The following NIT2 variants were observed in gnomAD, a reference collection of about 807,000 sequenced individuals.
NIT2 encodes nitrilase family member 2.
Under a neutral mutation model 42.7 loss-of-function variants are expected in NIT2, and 46 were observed. The observed-to-expected ratio is 1.08, with a 90% CI of 0.85 to 1.38. The LOEUF (loss-of-function observed/expected upper bound fraction) is 1.38, where lower values mean the gene tolerates loss of function less well. NIT2 is among the 40% of genes most tolerant of loss of function. The pLI, the probability that NIT2 is intolerant of heterozygous loss-of-function variation, is 0.00. For missense variants in NIT2, 309 were observed against 342.5 expected, an observed-to-expected ratio of 0.90 and a Z score of 0.77; for synonymous variants, 123 against 121.9, an observed-to-expected ratio of 1.01 and a Z score of -0.06.
chr3:100,338,961 G>A, intron 1 of NIT2, 126 bp from the exon 2 acceptor site: 1 of 724,822 alleles, frequency 1.4e-6, no homozygotes, highest in Non-Finnish European at 2.5e-6. Context: ...TGGCATCAAA[G>A]GTATCTTCAG....
At chr3:100,340,452 T>C (rs1330895151) in intron 3 of NIT2, among the ~76,000 whole-genome samples, 1 of 152,092 alleles carries the variant, frequency 6.6e-6, no homozygotes, top group East Asian at 1.9e-4. Flanking sequence ...ATTTTTGTGG[T>C]TTTGGAATAA....
At chr3:100,348,292 CG>C (rs1318856520) in intron 6 of NIT2, among the ~76,000 whole-genome samples, 1 of 152,132 alleles carries the variant, frequency 6.6e-6, no homozygotes, top group Non-Finnish European at 1.5e-5. Context: ...TCACCAAATA[CG>C]GGTGTTCCAG....
intron 8 of NIT2, among the ~76,000 whole-genome samples, chr3:100,353,115 C>A (rs1706290792): frequency 6.6e-6 from 1 of 152,214 alleles, no homozygotes; most frequent in Non-Finnish European, 1.5e-5. Context: ...CTTGAACTCT[C>A]AGGAAATTGT....
chr3:100,336,860 C>CA (rs1409974991), intron 1 of NIT2, among the ~76,000 whole-genome samples: 1 of 152,228 alleles, frequency 6.6e-6, no homozygotes, highest in African/African-American at 2.4e-5. Context: ...TAATCCTCCT[C>CA]AGCACAGACC....
rs935118142 is a variant in NIT2, at chr3:100,356,674, A to G, written c.*1406A>G. 2 of 152,232 alleles carry G rather than the reference A, an allele frequency of 1.3e-5. No homozygotes were observed. The highest frequency in any genetic ancestry group is 4.8e-5 in the African/African-American group (2 of 41,456). 9.4% of individuals were successfully genotyped at this position (152,232 alleles called of 1,614,324 possible). On this transcript the variant is annotated 3_prime_UTR_variant, in exon 10 of 10. Transcript: ENST00000394140. Reference sequence around the variant, plus strand: ...TTGATGCATAATTTTACTTTAAAAAAATAAGTGTGCAATTTGGTAAACTTT... The same window carrying G: ...TTGATGCATAATTTTACTTTAAAAAGATAAGTGTGCAATTTGGTAAACTTT...
Position 100,355,324 on chromosome 3 carries a change from A to C in NIT2, c.*56A>C. On this transcript the variant is annotated 3_prime_UTR_variant, in exon 10 of 10. Coordinates refer to ENST00000394140, the MANE Select transcript of NIT2 (RefSeq NM_020202.5). ...GACGATATGATTCTACAACATAATC[A>C]ACTCCCTATTAAATTCTTTAATGAA... 7.7e-7 allele frequency: 1 copy of C among 1,304,866 alleles called. No individual in the cohort carries two copies. The highest frequency in any genetic ancestry group is 1.3e-5 in the South Asian group (1 of 78,386). The allele number at this position is 1,304,866 out of a possible 1,614,324, so 80.8% of individuals were successfully genotyped here. A position where few individuals can be genotyped will look rare whatever the true frequency, so the allele number is the denominator to read the frequency against.
intron 9 of NIT2, 23 bp from the exon 10 acceptor site, chr3:100,355,154 G>T (rs1706314150): frequency 3.2e-6 from 5 of 1,582,060 alleles, no homozygotes; most frequent in Non-Finnish European, 4.3e-6. Context: ...ATTATTAATA[G>T]TGCACTTTCC....
chr3:100,335,253 T>A (rs1706055144), intron 1 of NIT2: 9 of 206,322 alleles, frequency 4.4e-5, no homozygotes, highest in South Asian at 4.4e-4. Context: ...CTGTGTCACT[T>A]ACTTTGTTCA....
chr3:100,353,233 C>G (rs545826627), intron 8 of NIT2, among the ~76,000 whole-genome samples: 1 of 152,214 alleles, frequency 6.6e-6, no homozygotes, highest in African/African-American at 2.4e-5. Flanking sequence ...GCCTTCAGAA[C>G]TTGGATGTAT....
rs535606293 is a variant in NIT2, at chr3:100,357,411, G to T, written c.*2143G>T. 6.6e-5 allele frequency: 10 copies of T among 152,150 alleles called. No homozygotes were observed. The highest frequency in any genetic ancestry group is 1.3e-4 in the Non-Finnish European group (9 of 67,992). The allele number at this position is 152,150 out of a possible 1,614,324, so 9.4% of individuals were successfully genotyped here. Reference sequence around the variant, plus strand: ...AAAGCCCACATCTGTATAAAAAAATGAAAGAATGATCTGGTTGATGTGGAT... The same window carrying T: ...AAAGCCCACATCTGTATAAAAAAATTAAAGAATGATCTGGTTGATGTGGAT... On this transcript the variant is annotated 3_prime_UTR_variant, in exon 10 of 10. Coordinates refer to ENST00000394140, the MANE Select transcript of NIT2 (RefSeq NM_020202.5).
At chr3:100,340,667 A>G (rs1706139215) in intron 3 of NIT2, among the ~76,000 whole-genome samples, 1 of 139,988 alleles carries the variant, frequency 7.1e-6, no homozygotes, top group South Asian at 2.5e-4. Flanking sequence ...TTGTTGCAGA[A>G]CCTGGTGAAT....
In NIT2 at chr3:100,355,498, C is replaced by T; in HGVS notation, c.*230C>T. On this transcript the variant is annotated 3_prime_UTR_variant, in exon 10 of 10. Transcript: ENST00000394140. ...GCAGAAAGCTGGGCTGGTTCTGAAG[C>T]TTCTTCCATACTTAAGTTGCCTCCA... 2.3e-6 allele frequency: 1 copy of T among 432,232 alleles called. No individual in the cohort carries two copies. The highest frequency in any genetic ancestry group is 3.8e-5 in the East Asian group (1 of 26,662). 26.8% of individuals were successfully genotyped at this position (432,232 alleles called of 1,614,324 possible). A position where few individuals can be genotyped will look rare whatever the true frequency, so the allele number is the denominator to read the frequency against.
rs904490333 is a variant in NIT2 at position 100,359,901 on chromosome 3, A to C, written c.*4633A>C. ...TTTCCCCACATTCTGGAAGCTCCTT[A>C]CCTAAATCCTGTTTATTCCTTAATG... On this transcript the variant is annotated 3_prime_UTR_variant, in exon 10 of 10. Coordinates refer to ENST00000394140, the MANE Select transcript of NIT2 (RefSeq NM_020202.5). 1 of 152,128 alleles carries C rather than the reference A, an allele frequency of 6.6e-6. No individual in the cohort carries two copies. Among genetic ancestry groups the C allele is most frequent in the Non-Finnish European group, 1.5e-5 (1 of 68,014 alleles). 9.4% of individuals were successfully genotyped at this position (152,128 alleles called of 1,614,324 possible).
Position 100,348,143 on chromosome 3 carries a change from C to T in NIT2, c.506-660C>T, listed in dbSNP as rs192926344. On this transcript the variant is annotated intron_variant, in intron 6 of 9. Coordinates refer to ENST00000394140, the MANE Select transcript of NIT2 (RefSeq NM_020202.5). ...CTGACCTCAGGTGATCTGCCCACCT[C>T]GGCCTCCCAAAGTGCTGGGATTACA... Among the ~76,000 whole-genome samples, 478 of 152,330 alleles carry T rather than the reference C, an allele frequency of 3.1e-3. 3 individuals carry two copies. The highest frequency in any genetic ancestry group is 0.011 in the African/African-American group (454 of 41,586).
chr3:100,344,071 A>C (rs1706184886), intron 4 of NIT2, among the ~76,000 whole-genome samples: 1 of 152,168 alleles, frequency 6.6e-6, no homozygotes, highest in Non-Finnish European at 1.5e-5. Flanking sequence ...TCAGCCAGAG[A>C]TTTAGAAAGA....
rs2148880864 is a variant in NIT2 at position 100,339,155 on chromosome 3, A to G, written c.76A>G (p.Ser26Gly). 6.2e-7 allele frequency: 1 copy of G among 1,614,018 alleles called. No homozygotes were observed. The highest frequency in any genetic ancestry group is 8.5e-7 in the Non-Finnish European group (1 of 1,179,966). ...IKSDNVTRACSFIREAATQGA... is the reference protein window; with the variant it reads ...IKSDNVTRACGFIREAATQGA... ...ATCAGATAACGTCACTCGCGCTTGT[A>G]GCTTCATCCGGGAGGCAGCAACGCA... The change falls in exon 2 of 10, where the codon AGC (serine) becomes GGC (glycine). Residue 26 changes from serine to glycine, a missense_variant. By Grantham distance (56) the Ser-to-Gly change is moderately conservative. Coordinates refer to ENST00000394140, the MANE Select transcript of NIT2 (RefSeq NM_020202.5).
chr3:100,339,110 C>T lies in NIT2; in HGVS notation c.31C>T (p.Leu11Phe), dbSNP rs1706112910. Reference sequence around the variant, plus strand: ...AGCTTTCCGCTTGGCCCTCATCCAGCTTCAGATTTCTTCCATCAAATCAGA... The same window carrying T: ...AGCTTTCCGCTTGGCCCTCATCCAGTTTCAGATTTCTTCCATCAAATCAGA... MTSFRLALIQ[L>F]QISSIKSDNV... The change falls in exon 2 of 10, where the codon CTT (leucine) becomes TTT (phenylalanine). Residue 11 changes from leucine to phenylalanine, a missense_variant. Coordinates refer to ENST00000394140, the MANE Select transcript of NIT2 (RefSeq NM_020202.5). 2 of 1,613,862 alleles carry T rather than the reference C, an allele frequency of 1.2e-6. No individual in the cohort carries two copies. The highest frequency in any genetic ancestry group is 2.2e-5 in the South Asian group (2 of 91,082).
chr3:100,334,973 C>T (rs1244582720), intron 1 of NIT2, 175 bp downstream of exon 1: 2 of 616,956 alleles, frequency 3.2e-6, no homozygotes, highest in Non-Finnish European at 2.5e-6. Context: ...GGCGGCCGGG[C>T]GCACTCCCGG....
chr3:100,348,969 T>G (rs953642443), intron 7 of NIT2, 88 bp downstream of exon 7: 3 of 1,076,114 alleles, frequency 2.8e-6, no homozygotes, highest in Non-Finnish European at 4.2e-6. Flanking sequence ...GCCTTCCTGA[T>G]GTGGATTCTG....
Sources: allele counts gnomAD v4.1 joint callset (sites outside exome capture counted in the v4.1 genomes callset), GRCh38; gene constraint gnomAD v4.1.1; transcripts MANE v1.5; gene names NCBI Gene and HGNC (gene_info 2026-07-23, HGNC 2026-07-21).